The following TRIM44 variants were observed in gnomAD, a reference collection of about 807,000 sequenced individuals.
TRIM44 encodes tripartite motif-containing protein 44.
In TRIM44, 13 loss-of-function variants were observed where a neutral mutation model predicts 37.4. The ratio of observed to expected loss-of-function variants is 0.35; its 90% CI spans 0.23 to 0.55. The LOEUF is 0.55. Among genes scored for constraint, TRIM44 ranks in the 20% least tolerant of loss-of-function variants. The probability of loss-of-function intolerance (pLI) is 0.89; values close to 1 mark genes in which losing one functional copy is unlikely to be tolerated. For missense variants in TRIM44, 426 were observed against 437.2 expected (o/e 0.97, Z 0.23); for synonymous variants, 175 against 157.2 (o/e 1.11, Z -0.85).
At chr11:35,696,290 C>T (rs1284991492) in intron 2 of TRIM44, among the ~76,000 whole-genome samples, 1 of 151,472 alleles carries the variant, frequency 6.6e-6, no homozygotes, top group Non-Finnish European at 1.5e-5. Context: ...TACAGGTGCC[C>T]GCTACCATGC....
chr11:35,687,986 G>A (rs573203825), intron 2 of TRIM44, among the ~76,000 whole-genome samples: 89 of 152,308 alleles, frequency 5.8e-4, no homozygotes, highest in Non-Finnish European at 1.1e-3. Context: ...TGCCAGGTCA[G>A]GAATGGGGGT....
chr11:35,731,766 C>T (rs562764546), intron 3 of TRIM44, among the ~76,000 whole-genome samples: 1 of 152,012 alleles, frequency 6.6e-6, no homozygotes, highest in Admixed American at 6.5e-5. Context: ...TTGCAATGAG[C>T]TAATATTGGA....
chr11:35,756,946 G>A (rs938700620), intron 4 of TRIM44, among the ~76,000 whole-genome samples: 21 of 152,178 alleles, frequency 1.4e-4, no homozygotes, highest in African/African-American at 2.7e-4. Context: ...ATGTTCATCA[G>A]GGATATTGGT....
intron 4 of TRIM44, among the ~76,000 whole-genome samples, chr11:35,769,209 C>T (rs1380961170): frequency 6.6e-6 from 1 of 152,202 alleles, no homozygotes; most frequent in Non-Finnish European, 1.5e-5. Context: ...TCAGACTCCT[C>T]ATCATCTTGT....
chr11:35,775,750 C>T (rs1382738012), intron 4 of TRIM44, among the ~76,000 whole-genome samples: 1 of 152,116 alleles, frequency 6.6e-6, no homozygotes, highest in East Asian at 1.9e-4. Context: ...GTCTTTGGTG[C>T]TGTTTATATG....
chr11:35,670,991 C>G (rs1433226215), intron 1 of TRIM44, among the ~76,000 whole-genome samples: 1 of 152,118 alleles, frequency 6.6e-6, no homozygotes, highest in Non-Finnish European at 1.5e-5. Flanking sequence ...TACTTATTGG[C>G]AAGAGAATAT....
chr11:35,779,873 A>ATTTTTTTTT (rs11440904), intron 4 of TRIM44, among the ~76,000 whole-genome samples: 3 of 136,532 alleles, frequency 2.2e-5, no homozygotes, highest in African/African-American at 2.7e-5. Flanking sequence ...CCCTTTGCCT[A>ATTTTTTTTT]TTTTTTTTTT....
At chr11:35,783,534 T>G (rs1461758413) in intron 4 of TRIM44, among the ~76,000 whole-genome samples, 1 of 152,220 alleles carries the variant, frequency 6.6e-6, no homozygotes, top group African/African-American at 2.4e-5. Context: ...AATGAATACA[T>G]TTTGTATCCA....
Position 35,806,703 on chromosome 11 carries a change from T to C in TRIM44, c.*318T>C, listed in dbSNP as rs1853455849. The C allele has an allele frequency of 6.6e-6, 2 of 302,772 alleles. No individual in the cohort carries two copies. Among genetic ancestry groups the C allele is most frequent in the Admixed American group, 9.3e-5 (2 of 21,490 alleles). 18.8% of individuals were successfully genotyped at this position (302,772 alleles called of 1,614,324 possible). Reference sequence around the variant, plus strand: ...CTCAGGAAAGCCAGCCCCCATAATATTGTATTACCAAACAGTATCGCTTTG... The same window carrying C: ...CTCAGGAAAGCCAGCCCCCATAATACTGTATTACCAAACAGTATCGCTTTG... On this transcript the variant is annotated 3_prime_UTR_variant, in exon 5 of 5. Transcript: ENST00000299413.
At chr11:35,800,501 T>C (rs982880357) in intron 4 of TRIM44, among the ~76,000 whole-genome samples, 6 of 152,208 alleles carry the variant, frequency 3.9e-5, no homozygotes, top group Non-Finnish European at 8.8e-5. Flanking sequence ...ATCCTTTAGC[T>C]AGACACAGAG....
At chr11:35,706,942 G>A (rs1285010874) in intron 2 of TRIM44, among the ~76,000 whole-genome samples, 1 of 150,772 alleles carries the variant, frequency 6.6e-6, no homozygotes, top group African/African-American at 2.4e-5. Context: ...GAAATAAAGG[G>A]TATTCAATTA....
At chr11:35,742,673 GTAT>G (rs1161481566) in intron 4 of TRIM44, among the ~76,000 whole-genome samples, 7 of 110,948 alleles carry the variant, frequency 6.3e-5, no homozygotes, top group African/African-American at 2.9e-4. Context: ...TATATTAATT[GTAT>G]TATATATAAT....
chr11:35,702,290 A>C (rs1407969320), intron 2 of TRIM44, among the ~76,000 whole-genome samples: 1 of 152,086 alleles, frequency 6.6e-6, no homozygotes, highest in East Asian at 1.9e-4. Flanking sequence ...TCACTCGCCC[A>C]CGCTCCGGGA....
chr11:35,787,835 C>G (rs1242023918), intron 4 of TRIM44, among the ~76,000 whole-genome samples: 1 of 152,180 alleles, frequency 6.6e-6, no homozygotes, highest in Non-Finnish European at 1.5e-5. Flanking sequence ...ATCCCCAAAC[C>G]ACACTGTGAG....
At chr11:35,739,334 A>G (rs1852363163) in intron 4 of TRIM44, among the ~76,000 whole-genome samples, 1 of 152,196 alleles carries the variant, frequency 6.6e-6, no homozygotes, top group Non-Finnish European at 1.5e-5. Context: ...TAAGTGGCAG[A>G]GCTATGACTT....
At position 35,663,159 on chromosome 11, in the gene TRIM44, C is replaced by A; in HGVS notation, c.48C>A (p.Gly16=). ...GAAFEELPHD[G]TCDECEPDEA... ...CCTTCGAGGAACTGCCTCACGACGG[C>A]ACGTGTGACGAGTGCGAGCCCGACG... is the stretch of plus-strand genomic sequence containing the variant. Residue 16 remains glycine, a synonymous_variant, in exon 1 of 5, where the codon GGC becomes GGA. Coordinates refer to ENST00000299413, the MANE Select transcript of TRIM44 (RefSeq NM_017583.6). 1 of 1,555,376 alleles carries A rather than the reference C, an allele frequency of 6.4e-7. No individual in the cohort carries two copies.
At chr11:35,701,967 T>G (rs1851794025) in intron 2 of TRIM44, among the ~76,000 whole-genome samples, 1 of 152,178 alleles carries the variant, frequency 6.6e-6, no homozygotes, top group Non-Finnish European at 1.5e-5. Flanking sequence ...TACTACACTA[T>G]AACCCTGGGG....
intron 2 of TRIM44, among the ~76,000 whole-genome samples, chr11:35,722,711 A>G (rs539475630): frequency 6.6e-6 from 1 of 152,300 alleles, no homozygotes; most frequent in South Asian, 2.1e-4. Flanking sequence ...AACGTGCTTT[A>G]TCAGCAAGGT....
chr11:35,666,190 T>C (rs922213228), intron 1 of TRIM44, among the ~76,000 whole-genome samples: 1 of 152,256 alleles, frequency 6.6e-6, no homozygotes, highest in Non-Finnish European at 1.5e-5. Flanking sequence ...CCCACTGTCA[T>C]ATATCAAGTG....
Sources: gnomAD v4.1 joint callset for allele counts (sites outside exome capture counted in the v4.1 genomes callset) on GRCh38, gnomAD v4.1.1 for gene constraint, MANE v1.5 for transcripts, NCBI Gene and HGNC (gene_info 2026-07-23, HGNC 2026-07-21) for gene names.